TRANK1: variants seen among roughly 807,000 people sequenced by gnomAD.
The protein encoded by TRANK1 is tetratricopeptide repeat and ankyrin repeat containing 1.
Under a neutral mutation model 266.0 loss-of-function variants are expected in TRANK1, and 198 were observed. The observed-to-expected ratio is 0.74, with a 90% CI of 0.66 to 0.84. The LOEUF is 0.84. Ranked by LOEUF, TRANK1 falls within the 40% of genes least tolerant of loss-of-function variation. The probability of loss-of-function intolerance (pLI) is 0.00; values close to 1 mark genes in which losing one functional copy is unlikely to be tolerated. For missense variants in TRANK1, 3,326 were observed against 3,634.6 expected (o/e 0.92, Z 2.18); for synonymous variants, 1,396 against 1,384.1 (o/e 1.01, Z -0.19).
At chr3:36,835,720 A>G (rs1352194868) in intron 20 of TRANK1, among the ~76,000 whole-genome samples, 2 of 152,212 alleles carry the variant, frequency 1.3e-5, no homozygotes, top group African/African-American at 4.8e-5. Flanking sequence ...ACGAAAATGT[A>G]TTGTTTCTTT....
At chr3:36,851,976 C>T in intron 14 of TRANK1, 120 bp from the exon 15 acceptor site, 1 of 1,421,932 alleles carries the variant, frequency 7.0e-7, no homozygotes, top group South Asian at 1.5e-5. Flanking sequence ...CATGGTCAGG[C>T]AGGCCAGGGG....
At chr3:36,868,390 C>T (rs964000349) in intron 9 of TRANK1, among the ~76,000 whole-genome samples, 2 of 152,092 alleles carry the variant, frequency 1.3e-5, no homozygotes, top group Non-Finnish European at 2.9e-5. Context: ...TGTGTATATA[C>T]ACAGATTTGA....
chr3:36,855,334 G>C lies in TRANK1; in HGVS notation c.4388C>G (p.Thr1463Arg), dbSNP rs200296343. ...CINDPNSMFL[T>R]GDTAQSIMKG... ...CATGATGCTCTGGGCCGTGTCCCCC[G>C]TGAGGAACATAGAGTTGGGGTCATT... The change falls in exon 13 of 24, where the codon ACG becomes AGG. Residue 1463 changes from threonine to arginine, a missense_variant. Coordinates refer to ENST00000645898, the MANE Select transcript of TRANK1 (RefSeq NM_001329998.2). The C allele has an allele frequency of 3.7e-6, 6 of 1,613,904 alleles. No homozygotes were observed. The highest frequency in any genetic ancestry group is 4.2e-6 in the Non-Finnish European group (5 of 1,179,892).
chr3:36,832,449 G>A lies in TRANK1; in HGVS notation c.7134C>T (p.Ser2378=), dbSNP rs1270281818. The A allele has an allele frequency of 2.5e-6, 4 of 1,613,804 alleles. No individual in the cohort carries two copies. Among genetic ancestry groups the A allele is most frequent in the Non-Finnish European group, 3.4e-6 (4 of 1,179,806 alleles). Residue 2378 remains serine (S), a synonymous_variant, in exon 22 of 24, where the codon AGC becomes AGT. Transcript: ENST00000645898. ...EKDERGRGRG[S]RIKGIEGKFG... ...ATTTCCCTTCTATTCCTTTTATCCT[G>A]CTGCCTCTCCCCCTGCCCCTTTCAT...
chr3:36,836,971 A>G (rs1355805707), intron 20 of TRANK1, among the ~76,000 whole-genome samples: 2 of 152,180 alleles, frequency 1.3e-5, no homozygotes, highest in Admixed American at 1.3e-4. Flanking sequence ...GCTTGAACAA[A>G]GCCCAGTCCT....
rs563762201 is a variant in TRANK1 at position 36,855,378 on chromosome 3, C to T, written c.4344G>A (p.Ala1448=). Residue 1448 remains alanine, a synonymous_variant, in exon 13 of 24, where the codon GCG becomes GCA. Coordinates refer to ENST00000645898, the MANE Select transcript of TRANK1 (RefSeq NM_001329998.2). ...EIQDFTQAEL[A]LLMKCINDPN... is the part of the protein sequence containing the mutation. ...GGTCATTGATGCATTTCATCAGCAGCGCCAGCTCGGCCTGGGTAAAGTCTT... is the reference window on the plus strand; with the variant it reads ...GGTCATTGATGCATTTCATCAGCAGTGCCAGCTCGGCCTGGGTAAAGTCTT... 1.4e-5 allele frequency: 22 copies of T among 1,614,028 alleles called. No individual in the cohort carries two copies. Among genetic ancestry groups the T allele is most frequent in the South Asian group, 6.6e-5 (6 of 91,086 alleles).
Position 36,892,345 on chromosome 3 carries a change from G to A in TRANK1, c.637-5C>T. 2.0e-6 allele frequency: 3 copies of A among 1,532,900 alleles called. No individual in the cohort carries two copies. The highest frequency in any genetic ancestry group is 2.8e-5 in the African/African-American group (2 of 72,602). The allele number at this position is 1,532,900 out of a possible 1,614,324, so 95.0% of individuals were successfully genotyped here. Reference sequence around the variant, plus strand: ...AAGTCCAATGAAAACGTATTTCTGGGGAAAAAAAACACACAGGACAAATTA... The same window carrying A: ...AAGTCCAATGAAAACGTATTTCTGGAGAAAAAAAACACACAGGACAAATTA... On this transcript the variant is annotated splice_polypyrimidine_tract_variant and splice_region_variant and intron_variant, in intron 6 of 23. Coordinates refer to ENST00000645898, the MANE Select transcript of TRANK1 (RefSeq NM_001329998.2).
In TRANK1 at chr3:36,857,688, C is replaced by T. The variant is rs751320979; in HGVS notation, c.2034G>A (p.Gln678=). The change falls in exon 13 of 24, where the codon CAG becomes CAA. Residue 678 remains glutamine, a synonymous_variant. Transcript: ENST00000645898. This position sits in a 1 kb window ranked among gnomAD's most constrained non-coding sequence, Gnocchi z 4.3. ...SKSTAPGHTS[Q]LKSQGSFKSV... is the part of the protein sequence containing the mutation. ...ACTTGAATGAACCCTGGGACTTGAGCTGAGATGTGTGACCAGGGGCAGTGG... is the reference window on the plus strand; with the variant it reads ...ACTTGAATGAACCCTGGGACTTGAGTTGAGATGTGTGACCAGGGGCAGTGG... 25 of 1,613,918 alleles carry T rather than the reference C, an allele frequency of 1.5e-5. No homozygotes were observed. The Admixed American group carries it at 4.2e-4, about 27-fold the overall frequency.
chr3:36,889,951 T>G lies in TRANK1; in HGVS notation c.785A>C (p.His262Pro). The G allele has an allele frequency of 6.5e-7, 1 of 1,537,036 alleles. No individual in the cohort carries two copies. The highest frequency in any genetic ancestry group is 8.7e-7 in the Non-Finnish European group (1 of 1,146,828). ...GTGATCCATTAACCACCGGAAAAGA[T>G]GGTTTTCTCCTGAAGGGAATTAAAA... ...MRLCIQAREN[H>P]LFRWLMDHKP... The change falls in exon 8 of 24, where the codon CAT becomes CCT. Residue 262 changes from histidine to proline, a missense_variant. Physicochemically the swap from His to Pro is moderately conservative, Grantham distance 77 (BLOSUM62 -2). Transcript: ENST00000645898.
At chr3:36,874,093 G>GC (rs1393604846) in intron 9 of TRANK1, 33 bp downstream of exon 9, 7 of 1,514,386 alleles carry the variant, frequency 4.6e-6, no homozygotes, top group Non-Finnish European at 6.2e-6. Flanking sequence ...CCAGTTTTAT[G>GC]CCCCCCAAAA....
At chr3:36,898,221 G>A (rs568414657) in intron 4 of TRANK1, among the ~76,000 whole-genome samples, 1 of 152,334 alleles carries the variant, frequency 6.6e-6, no homozygotes, top group African/African-American at 2.4e-5. Flanking sequence ...AGGAGGCCAA[G>A]GCAGGTGGAT....
intron 2 of TRANK1, among the ~76,000 whole-genome samples, chr3:36,907,128 C>G (rs908656977): frequency 2.0e-5 from 3 of 152,110 alleles, no homozygotes; most frequent in African/African-American, 7.2e-5. Flanking sequence ...AAAAATACAA[C>G]ATGTAATAGA....
chr3:36,832,521 C>T lies in TRANK1; in HGVS notation c.7062G>A (p.Glu2354=), dbSNP rs370249629. 5.3e-5 allele frequency: 85 copies of T among 1,613,842 alleles called. No homozygotes were observed. Among genetic ancestry groups the T allele is most frequent in the Non-Finnish European group, 6.6e-5 (78 of 1,179,900 alleles). The change falls in exon 22 of 24, where the codon GAG becomes GAA. Residue 2354 remains glutamate (E), a synonymous_variant. Coordinates refer to ENST00000645898, the MANE Select transcript of TRANK1 (RefSeq NM_001329998.2). ...PEEFEKLLHQ[E]EDNYNRELKA... ...TGAGTTCCCTGTTGTAGTTGTCCTCCTCCTGGTGGAGCAGCTTTTCAAACT... is the reference window on the plus strand; with the variant it reads ...TGAGTTCCCTGTTGTAGTTGTCCTCTTCCTGGTGGAGCAGCTTTTCAAACT...
chr3:36,888,076 G>C (rs1436818706), intron 8 of TRANK1, among the ~76,000 whole-genome samples: 2 of 152,188 alleles, frequency 1.3e-5, no homozygotes, highest in Non-Finnish European at 2.9e-5. Context: ...ATAATAGCCA[G>C]AAAGTGGAAA....
At chr3:36,884,711 T>C (rs1179249056) in intron 8 of TRANK1, among the ~76,000 whole-genome samples, 1 of 152,094 alleles carries the variant, frequency 6.6e-6, no homozygotes, top group Admixed American at 6.5e-5. Context: ...GGCAGGTGAA[T>C]CACGTGAGGC....
At chr3:36,930,265 C>T (rs2080343645) in intron 1 of TRANK1, among the ~76,000 whole-genome samples, 1 of 152,140 alleles carries the variant, frequency 6.6e-6, no homozygotes, top group Non-Finnish European at 1.5e-5. Context: ...GAACGTGGGT[C>T]ACCTTAAGGA....
rs1457144810 is a variant in TRANK1, at chr3:36,855,407, T to A, written c.4315A>T (p.Ile1439Phe). The change falls in exon 13 of 24, where the codon ATT becomes TTT. Residue 1439 changes from isoleucine (I) to phenylalanine (F), a missense_variant. Physicochemically the swap from Ile to Phe is conservative, Grantham distance 21. Transcript: ENST00000645898. ...AGCTCGGCCTGGGTAAAGTCTTGAA[T>A]CTCATCACCATAGAGCTCGTGGATG... is the stretch of plus-strand genomic sequence containing the variant. The part of the protein sequence containing the change: ...WSIHELYGDE[I>F]QDFTQAELAL... 6.8e-6 allele frequency: 11 copies of A among 1,613,920 alleles called. No individual in the cohort carries two copies. In the Admixed American group the frequency reaches 1.8e-4, roughly 27 times the overall value.
chr3:36,898,379 A>T (rs1013925190), intron 4 of TRANK1, among the ~76,000 whole-genome samples: 8 of 151,370 alleles, frequency 5.3e-5, no homozygotes, highest in African/African-American at 1.9e-4. Context: ...AACCTGGGAG[A>T]CAGAGGTTGC....
Position 36,866,029 on chromosome 3 carries a change from AGAGAGAGAGACAGAC to A in TRANK1, c.1079-1564_1079-1550del. On this transcript the variant is annotated intron_variant, in intron 9 of 23. Transcript: ENST00000645898. ...GAGAGAGAGACAGACAGAAAGAAAG[AGAGAGAGAGACAGAC>A]AGAAAGAAAAAGAAAGAAAGAAAGA... Among the ~76,000 whole-genome samples the A allele has an allele frequency of 2.0e-5, 3 of 149,668 alleles. No homozygotes were observed. The Admixed American group carries it at 2.0e-4, about 10-fold the overall frequency.
Sources: allele counts gnomAD v4.1 joint callset (sites outside exome capture counted in the v4.1 genomes callset), GRCh38; gene constraint gnomAD v4.1.1; non-coding constraint Gnocchi (gnomAD v3.1); transcripts MANE v1.5; gene names NCBI Gene and HGNC (gene_info 2026-07-23, HGNC 2026-07-21).